The following SNX29 variants were observed in gnomAD, a reference collection of about 807,000 sequenced individuals.
SNX29 encodes sorting nexin 29, also known as sorting nexin-29.
Under a neutral mutation model 102.1 loss-of-function variants are expected in SNX29, and 78 were observed. The ratio of observed to expected loss-of-function variants is 0.76; its 90% CI spans 0.64 to 0.92. SNX29 has a LOEUF of 0.92. SNX29 is among the 40% of genes least tolerant of loss of function. SNX29 has a pLI of 0.00. For missense variants in SNX29, 1,280 were observed against 1,061.7 expected (o/e 1.21, Z -2.86); for synonymous variants, 580 against 414.5 (o/e 1.40, Z -4.85).
chr16:12,568,096 T>G (rs2079088484), intron 20 of SNX29, among the ~76,000 whole-genome samples: 1 of 152,228 alleles, frequency 6.6e-6, no homozygotes, highest in Admixed American at 6.5e-5. Context: ...TCCTGTGTTT[T>G]GCTACGCATC....
At chr16:12,264,642 C>T (rs1237976225) in intron 14 of SNX29, among the ~76,000 whole-genome samples, 5 of 151,916 alleles carry the variant, frequency 3.3e-5, no homozygotes, top group Admixed American at 1.3e-4. Flanking sequence ...ATTAGCCGGA[C>T]GTGATAGCAA....
chr16:12,425,475 C>A (rs1258220476), intron 18 of SNX29, among the ~76,000 whole-genome samples: 1 of 144,952 alleles, frequency 6.9e-6, no homozygotes, highest in Non-Finnish European at 1.5e-5. Context: ...ACACGTAATT[C>A]CATTGCACGC....
At chr16:12,563,841 T>C (rs997650271) in intron 20 of SNX29, among the ~76,000 whole-genome samples, 1 of 152,218 alleles carries the variant, frequency 6.6e-6, no homozygotes, top group African/African-American at 2.4e-5. Flanking sequence ...TGCCTGTAAA[T>C]ATCCCTGCTG....
intron 14 of SNX29, among the ~76,000 whole-genome samples, chr16:12,233,233 A>G (rs1238255334): frequency 6.6e-6 from 1 of 152,222 alleles, no homozygotes; most frequent in East Asian, 1.9e-4. Flanking sequence ...TGTGGTACAT[A>G]TACACTATGG....
chr16:12,464,267 G>A (rs188407929), intron 18 of SNX29, among the ~76,000 whole-genome samples: 160 of 140,880 alleles, frequency 1.1e-3, no homozygotes, highest in African/African-American at 4.2e-3. Flanking sequence ...TCCATATGTG[G>A]CATGTTTATG....
intron 4 of SNX29, among the ~76,000 whole-genome samples, chr16:12,033,610 CTTT>C (rs869128492): frequency 3.6e-5 from 5 of 140,076 alleles, no homozygotes; most frequent in Admixed American, 7.2e-5. Flanking sequence ...TTTCTTTTTT[CTTT>C]TTTTTTTTTT....
chr16:12,038,349 C>G (rs1232299665), intron 4 of SNX29, among the ~76,000 whole-genome samples: 2 of 152,208 alleles, frequency 1.3e-5, no homozygotes, highest in Admixed American at 6.5e-5. Context: ...TTGATAGAAA[C>G]TTTCCCAAAA....
chr16:12,395,212 C>T (rs946190559), intron 16 of SNX29, among the ~76,000 whole-genome samples: 1 of 152,276 alleles, frequency 6.6e-6, no homozygotes, highest in Non-Finnish European at 1.5e-5. Flanking sequence ...TGAGGACTTG[C>T]CAGTCAAAGT....
intron 18 of SNX29, among the ~76,000 whole-genome samples, chr16:12,466,404 T>C (rs1408927972): frequency 6.6e-6 from 1 of 152,238 alleles, no homozygotes; most frequent in Non-Finnish European, 1.5e-5. Context: ...GTCCCATTTA[T>C]AATAACATCA....
intron 19 of SNX29, among the ~76,000 whole-genome samples, chr16:12,494,765 TG>T (rs2088727971): frequency 2.0e-5 from 3 of 152,226 alleles, no homozygotes; most frequent in Admixed American, 1.3e-4. Flanking sequence ...CATAAGCTGG[TG>T]AAAATGGGAA....
intron 11 of SNX29, chr16:12,086,702 C>T (rs187541109): frequency 6.6e-5 from 10 of 152,290 alleles, no homozygotes; most frequent in Admixed American, 6.5e-4. Context: ...ACATGACCTA[C>T]TATGCCTGGC....
chr16:12,080,369 G>T (rs890876086), intron 11 of SNX29, among the ~76,000 whole-genome samples: 1 of 152,188 alleles, frequency 6.6e-6, no homozygotes, highest in African/African-American at 2.4e-5. Flanking sequence ...ATGTGAGCAT[G>T]TGTGGTTTAC....
intron 13 of SNX29, among the ~76,000 whole-genome samples, chr16:12,154,606 G>T (rs955620685): frequency 1.3e-5 from 2 of 152,204 alleles, no homozygotes; most frequent in Non-Finnish European, 2.9e-5. Flanking sequence ...CACAGCAGGT[G>T]ACCGGCAGGT....
At chr16:12,017,633 G>A (rs1178054411) in intron 3 of SNX29, among the ~76,000 whole-genome samples, 8 of 152,052 alleles carry the variant, frequency 5.3e-5, no homozygotes, top group Non-Finnish European at 1.0e-4. Flanking sequence ...ATTTTTCTCA[G>A]TTATTTTTAC....
chr16:12,205,826 T>G (rs1415262633), intron 14 of SNX29, among the ~76,000 whole-genome samples: 1 of 152,244 alleles, frequency 6.6e-6, no homozygotes, highest in Non-Finnish European at 1.5e-5. Context: ...AGAGCAGGGA[T>G]GTTGGCATGT....
intron 11 of SNX29, among the ~76,000 whole-genome samples, chr16:12,126,051 G>T (rs1290882699): frequency 6.6e-6 from 1 of 152,000 alleles, no homozygotes; most frequent in East Asian, 1.9e-4. Context: ...CTGCTCTAGG[G>T]CATAGATCAT....
chr16:12,434,255 C>T (rs954999492), intron 18 of SNX29, among the ~76,000 whole-genome samples: 2 of 152,178 alleles, frequency 1.3e-5, no homozygotes, highest in Admixed American at 6.5e-5. Context: ...AGATAATACT[C>T]ATTATTGACC....
intron 11 of SNX29, among the ~76,000 whole-genome samples, chr16:12,089,129 GAGAGAGAGAGAGAGAA>G (rs2052373200): frequency 1.3e-5 from 2 of 149,358 alleles, no homozygotes; most frequent in South Asian, 4.3e-4. Flanking sequence ...AGAGAGAAAA[GAGAGAGAGAGAGAGAA>G]AAGAGAAAGA....
chr16:12,218,246 T>C (rs1387540624), intron 14 of SNX29, among the ~76,000 whole-genome samples: 3 of 152,248 alleles, frequency 2.0e-5, no homozygotes, highest in African/African-American at 4.8e-5. Context: ...AGTCTAGCAG[T>C]GCAGAGGTAC....
Sources: gnomAD v4.1 joint callset for allele counts (sites outside exome capture counted in the v4.1 genomes callset) on GRCh38, gnomAD v4.1.1 for gene constraint, MANE v1.5 for transcripts, NCBI Gene and HGNC (gene_info 2026-07-23, HGNC 2026-07-21) for gene names.